Variants in HCN1 observed in about 807,000 individuals in gnomAD.
HCN1 encodes the protein hyperpolarization activated cyclic nucleotide gated potassium channel 1.
In HCN1, 13 loss-of-function variants were observed where a neutral mutation model predicts 78.9. The observed-to-expected ratio is 0.16, with a 90% confidence interval of 0.11 to 0.26. The LOEUF is 0.26. HCN1 is among the 10% of genes least tolerant of loss of function. The probability of loss-of-function intolerance (pLI) is 1.00; values close to 1 mark genes in which losing one functional copy is unlikely to be tolerated. For missense variants in HCN1, 810 were observed against 1,154.3 expected (o/e 0.70, Z 4.32); for synonymous variants, 552 against 455.5 (o/e 1.21, Z -2.70).
chr5:45,654,035 T>C (rs1014199809), intron 1 of HCN1, among the ~76,000 whole-genome samples: 2 of 152,148 alleles, frequency 1.3e-5, no homozygotes, highest in Non-Finnish European at 2.9e-5. Flanking sequence ...ACGTTTTTAA[T>C]AAACTATTTT....
chr5:45,497,935 G>C (rs1157707618), intron 2 of HCN1, among the ~76,000 whole-genome samples: 2 of 152,152 alleles, frequency 1.3e-5, no homozygotes, highest in African/African-American at 2.4e-5. Context: ...CTGGCTTGTA[G>C]AGTTTCTGCC....
rs542761912 is a variant in HCN1, at chr5:45,410,585, C to A, written c.1012-13875G>T. ...CTTATTTACAGCTAAGTTATAATTACATAACTCAGCAACAACGCATGTTCC... is the reference window on the plus strand; with the variant it reads ...CTTATTTACAGCTAAGTTATAATTAAATAACTCAGCAACAACGCATGTTCC... On this transcript the variant is annotated intron_variant, in intron 3 of 7. Transcript: ENST00000303230. 4.6e-5 allele frequency among the ~76,000 whole-genome samples: 7 copies of A among 152,126 alleles called. No homozygotes were observed. The East Asian group carries it at 1.4e-3, about 29-fold the overall frequency.
chr5:45,578,521 G>A (rs542497658), intron 2 of HCN1, among the ~76,000 whole-genome samples: 1 of 152,064 alleles, frequency 6.6e-6, no homozygotes, highest in African/African-American at 2.4e-5. Context: ...GTGGGAGGTG[G>A]TGAGGCAAAC....
intron 5 of HCN1, among the ~76,000 whole-genome samples, chr5:45,330,308 G>A (rs558748326): frequency 1.1e-3 from 171 of 151,302 alleles, no homozygotes; most frequent in African/African-American, 4.1e-3. Context: ...AAGAAATTGA[G>A]CTTGGTCAAA....
chr5:45,608,905 C>T (rs1477342053), intron 2 of HCN1, among the ~76,000 whole-genome samples: 3 of 152,008 alleles, frequency 2.0e-5, no homozygotes, highest in African/African-American at 7.2e-5. Context: ...TTATAAGTGA[C>T]TCCTATGAAT....
chr5:45,311,177 T>C (rs1046733520), intron 5 of HCN1, among the ~76,000 whole-genome samples: 2 of 152,186 alleles, frequency 1.3e-5, no homozygotes, highest in Admixed American at 6.6e-5. Context: ...AAATGAAAGT[T>C]AAAAAATCTA....
At chr5:45,309,999 C>T (rs1399505678) in intron 5 of HCN1, among the ~76,000 whole-genome samples, 4 of 151,878 alleles carry the variant, frequency 2.6e-5, no homozygotes, top group Admixed American at 2.0e-4. Context: ...TGGTCTTGGG[C>T]TTTTTTTGGT....
At chr5:45,652,291 G>T (rs1169718067) in intron 1 of HCN1, among the ~76,000 whole-genome samples, 2 of 151,692 alleles carry the variant, frequency 1.3e-5, no homozygotes, top group African/African-American at 4.8e-5. Context: ...TACAACTACA[G>T]CTGCTCACCT....
rs1199032164 is a variant in HCN1 at position 45,262,564 on chromosome 5, T to C, written c.2030A>G (p.Asn677Ser). The C allele has an allele frequency of 6.2e-7, 1 of 1,613,816 alleles. No individual in the cohort carries two copies. Among genetic ancestry groups the C allele is most frequent in the Non-Finnish European group, 8.5e-7 (1 of 1,179,996 alleles). The change falls in exon 8 of 8, where the codon AAC (asparagine) becomes AGC (serine). Residue 677 changes from asparagine to serine, a missense_variant. Around this residue, in one of 6 missense-constraint regions of HCN1, gnomAD observed 398 missense variants for 381.3 expected, o/e 1.04. Transcript: ENST00000303230. ...TGTGCTGGGACTGGGGGAGTGCAGG[T>C]TGCTGTGAGACAGGCTGGTCGCTGT... is the stretch of plus-strand genomic sequence containing the variant. ...VYTATSLSHS[N>S]LHSPSPSTQT...
At chr5:45,441,201 T>G (rs1231875681) in intron 3 of HCN1, among the ~76,000 whole-genome samples, 1 of 152,170 alleles carries the variant, frequency 6.6e-6, no homozygotes, top group African/African-American at 2.4e-5. Context: ...TTGACATATT[T>G]TATAGCTGTT....
At chr5:45,480,896 C>T (rs921964203) in intron 2 of HCN1, among the ~76,000 whole-genome samples, 4 of 152,194 alleles carry the variant, frequency 2.6e-5, no homozygotes, top group African/African-American at 9.7e-5. Context: ...TGTAATATAA[C>T]TAGCATCTTT....
rs775543627 is a variant in HCN1 at position 45,262,454 on chromosome 5, C to A, written c.2140G>T (p.Ala714Ser). The A allele has an allele frequency of 1.2e-6, 2 of 1,612,004 alleles. No individual in the cohort carries two copies. Among genetic ancestry groups the A allele is most frequent in the East Asian group, 4.5e-5 (2 of 44,806 alleles). ...GGGGAGGCATAGTGGAAAGTTCGAG[C>A]GGCCAGAGGGCTCTGTACAGGAGGG... ...CSPPVQSPLAARTFHYASPTA... is the reference protein window; with the variant it reads ...CSPPVQSPLASRTFHYASPTA... Residue 714 changes from alanine to serine, a missense_variant, in exon 8 of 8, where the codon GCT becomes TCT. Around this residue, in one of 6 missense-constraint regions of HCN1, gnomAD observed 398 missense variants for 381.3 expected, o/e 1.04. Coordinates refer to ENST00000303230, the MANE Select transcript of HCN1 (RefSeq NM_021072.4).
chr5:45,336,448 C>T (rs1181546767), intron 5 of HCN1, among the ~76,000 whole-genome samples: 1 of 152,016 alleles, frequency 6.6e-6, no homozygotes, highest in African/African-American at 2.4e-5. Context: ...AGAAGGCTGA[C>T]AATTCCAGTG....
chr5:45,636,583 C>T (rs916992595), intron 2 of HCN1, among the ~76,000 whole-genome samples: 1 of 152,084 alleles, frequency 6.6e-6, no homozygotes, highest in African/African-American at 2.4e-5. Flanking sequence ...CACACTGGCT[C>T]GTGCTTGTAA....
intron 2 of HCN1, among the ~76,000 whole-genome samples, chr5:45,531,144 C>T (rs1012737156): frequency 5.3e-5 from 8 of 152,082 alleles, no homozygotes; most frequent in Non-Finnish European, 8.8e-5. Flanking sequence ...ATTACTTCTA[C>T]TCCAAATTCA....
chr5:45,454,005 T>C (rs933451072), intron 3 of HCN1, among the ~76,000 whole-genome samples: 1 of 152,160 alleles, frequency 6.6e-6, no homozygotes, highest in Non-Finnish European at 1.5e-5. Context: ...AGCCAGTCTA[T>C]GTAAGCGGGA....
intron 2 of HCN1, among the ~76,000 whole-genome samples, chr5:45,494,937 C>T (rs1341335946): frequency 6.7e-6 from 1 of 148,438 alleles, no homozygotes; most frequent in Non-Finnish European, 1.5e-5. Context: ...TCTGAGGGCT[C>T]TGTTCTGTTC....
chr5:45,347,293 T>C (rs1746744400), intron 5 of HCN1, among the ~76,000 whole-genome samples: 1 of 152,198 alleles, frequency 6.6e-6, no homozygotes, highest in South Asian at 2.1e-4. Flanking sequence ...CCAACAGACC[T>C]GCAGCTGAGG....
chr5:45,549,997 A>C (rs1285631276), intron 2 of HCN1, among the ~76,000 whole-genome samples: 3 of 152,138 alleles, frequency 2.0e-5, no homozygotes, highest in Admixed American at 6.6e-5. Flanking sequence ...GTCAGGAAAC[A>C]ACAGGTGCTG....
Sources: allele counts gnomAD v4.1 joint callset (sites outside exome capture counted in the v4.1 genomes callset), GRCh38; gene constraint gnomAD v4.1.1; regional missense constraint gnomAD v4.1.1; transcripts MANE v1.5; gene names NCBI Gene and HGNC (gene_info 2026-07-23, HGNC 2026-07-21).